BOC: variants seen among roughly 807,000 people sequenced by gnomAD.
BOC encodes brother of CDO.
A neutral mutation model predicts 112.0 loss-of-function variants in BOC; 76 were observed. That is an observed-to-expected ratio of 0.68 (90% CI 0.56 to 0.82). The LOEUF (loss-of-function observed/expected upper bound fraction) is 0.82. BOC is among the 40% of genes least tolerant of loss of function. The probability of loss-of-function intolerance (pLI) is 0.00; values close to 1 mark genes in which losing one functional copy is unlikely to be tolerated. For missense variants in BOC, 1,309 were observed against 1,511.7 expected (o/e 0.87, Z 2.22); for synonymous variants, 580 against 599.8 (o/e 0.97, Z 0.48).
intron 2 of BOC, among the ~76,000 whole-genome samples, chr3:113,242,887 T>C (rs1034375024): frequency 6.6e-6 from 1 of 152,120 alleles, no homozygotes; most frequent in Non-Finnish European, 1.5e-5. Flanking sequence ...TGGAGCACTG[T>C]AAGATAACAG....
In BOC at chr3:113,278,639, C is replaced by T; in HGVS notation, c.1706-34C>T. 1 of 1,518,358 alleles carries T rather than the reference C, an allele frequency of 6.6e-7. No individual in the cohort carries two copies. The highest frequency in any genetic ancestry group is 9.0e-7 in the Non-Finnish European group (1 of 1,116,854). The allele number at this position is 1,518,358 out of a possible 1,614,324, so 94.1% of individuals were successfully genotyped here. ...TGGGAGGGAGATCTCATGCCTGCTT[C>T]CTCCCTTGCTGACTACAACCCATTT... On this transcript the variant is annotated intron_variant, in intron 10 of 19. Coordinates refer to ENST00000682979, the MANE Select transcript of BOC (RefSeq NM_001378074.1). This position sits in a 1 kb window ranked among gnomAD's most constrained non-coding sequence, Gnocchi z 4.2.
Position 113,273,276 on chromosome 3 carries a change from A to G in BOC, c.1169A>G (p.Gln390Arg). The G allele has an allele frequency of 6.2e-7, 1 of 1,609,288 alleles. No individual in the cohort carries two copies. The highest frequency in any genetic ancestry group is 8.5e-7 in the Non-Finnish European group (1 of 1,176,798). The change falls in exon 8 of 20, where the codon CAG becomes CGG. Residue 390 changes from glutamine to arginine, a missense_variant. Transcript: ENST00000682979. ...GGGCCTGAGGACGAAGGCGTCTACC[A>G]GTGCATGGCCGAGAACGAGGTTGGG... ...SMGPEDEGVY[Q>R]CMAENEVGSA...
Position 113,284,387 on chromosome 3 carries a change from G to A in BOC, c.2709G>A (p.Pro903=), listed in dbSNP as rs59291757. The A allele has an allele frequency of 1.1e-3, 1,803 of 1,614,160 alleles. 14 individuals carry two copies. In the African/African-American group the frequency reaches 0.02, roughly 18 times the overall value. ...FPRSALPPSC[P]YTMVPLGGLP... ...GAAGTGCCCTTCCACCCTCCTGCCC[G>A]TATACTATGGTGCCATTGGGAGGAC... The change falls in exon 17 of 20, where the codon CCG becomes CCA. Residue 903 remains proline (P), a synonymous_variant. Coordinates refer to ENST00000682979, the MANE Select transcript of BOC (RefSeq NM_001378074.1).
intron 17 of BOC, 83 bp from the exon 18 acceptor site, chr3:113,284,699 A>G (rs900865894): frequency 3.3e-6 from 5 of 1,520,978 alleles, no homozygotes; most frequent in Non-Finnish European, 4.6e-6. Flanking sequence ...AGTCAGGAGC[A>G]GATGCTCCTG....
intron 4 of BOC, among the ~76,000 whole-genome samples, chr3:113,266,545 A>G (rs578012490): frequency 2.2e-4 from 34 of 152,226 alleles, no homozygotes; most frequent in Non-Finnish European, 3.8e-4. Context: ...ACCAACTTCA[A>G]CTATGAATTT....
At chr3:113,271,426 G>C in intron 6 of BOC, 1 of 341,314 alleles carries the variant, frequency 2.9e-6, no homozygotes, top group Non-Finnish European at 5.8e-6. Context: ...AGGCCCACAT[G>C]CTCTCAATGC....
chr3:113,268,612 T>G (rs975515319), intron 5 of BOC, among the ~76,000 whole-genome samples, 167 bp downstream of exon 5: 6 of 152,170 alleles, frequency 3.9e-5, no homozygotes, highest in Non-Finnish European at 7.3e-5. Context: ...TCCTCCCCTT[T>G]TTTTCCTTTT....
intron 2 of BOC, among the ~76,000 whole-genome samples, chr3:113,235,858 G>T (rs1389824645): frequency 6.6e-6 from 1 of 152,136 alleles, no homozygotes; most frequent in Non-Finnish European, 1.5e-5. Flanking sequence ...GCTTAATTTT[G>T]TATAGGAAAG....
chr3:113,274,717 C>A lies in BOC; in HGVS notation c.1542+35C>A. On this transcript the variant is annotated intron_variant, in intron 9 of 19. Coordinates refer to ENST00000682979, the MANE Select transcript of BOC (RefSeq NM_001378074.1). This position sits in a 1 kb window ranked among gnomAD's most constrained non-coding sequence, Gnocchi z 4.8. ...TGGTGTGGGGCTGCTGCCTCCCCTG[C>A]ACAGCCTTTCCAGCAAGGCTGAGCA... is the stretch of plus-strand genomic sequence containing the variant. 6.5e-7 allele frequency: 1 copy of A among 1,543,586 alleles called. No individual in the cohort carries two copies. Among genetic ancestry groups the A allele is most frequent in the Non-Finnish European group, 8.8e-7 (1 of 1,137,652 alleles).
chr3:113,279,135 C>T (rs763402224), intron 11 of BOC, 114 bp from the exon 12 acceptor site: 31 of 1,067,034 alleles, frequency 2.9e-5, no homozygotes, highest in Non-Finnish European at 3.8e-5. Context: ...TGGGGAGGAG[C>T]GGGCCCGTCA....
intron 15 of BOC, 41 bp downstream of exon 15, chr3:113,281,194 AGC>A: frequency 6.2e-7 from 1 of 1,607,666 alleles, no homozygotes; most frequent in Non-Finnish European, 8.5e-7. Flanking sequence ...TGGTGTTTCC[AGC>A]GAGGGAAGGC....
intron 6 of BOC, 110 bp downstream of exon 6, chr3:113,271,054 G>A: frequency 6.6e-7 from 1 of 1,507,762 alleles, no homozygotes; most frequent in Non-Finnish European, 9.1e-7. Context: ...CTCCAGTTCT[G>A]TGTGCACTGG....
intron 4 of BOC, among the ~76,000 whole-genome samples, chr3:113,252,628 C>A (rs1576419547): frequency 6.6e-6 from 1 of 152,164 alleles, no homozygotes; most frequent in Admixed American, 6.6e-5. Flanking sequence ...TGGAGGCTGC[C>A]AGGATTCCTC....
At chr3:113,252,472 A>G (rs1479239659) in intron 4 of BOC, among the ~76,000 whole-genome samples, 1 of 152,108 alleles carries the variant, frequency 6.6e-6, no homozygotes, top group African/African-American at 2.4e-5. Context: ...TATCCAAGAA[A>G]GCTGGGGTCC....
intron 14 of BOC, 69 bp from the exon 15 acceptor site, chr3:113,280,962 A>T: frequency 1.3e-6 from 2 of 1,587,454 alleles, no homozygotes; most frequent in Non-Finnish European, 1.7e-6. Flanking sequence ...GCTGAGTCTG[A>T]CTATGAGATT....
chr3:113,278,528 C>T lies in BOC; in HGVS notation c.1706-145C>T, dbSNP rs1576494548. ...ACAACAGAACCAGTCTCGGCCGAGG[C>T]TGAGCCCACACCCTCAGTGCCCCGG... On this transcript the variant is annotated intron_variant, in intron 10 of 19. Coordinates refer to ENST00000682979, the MANE Select transcript of BOC (RefSeq NM_001378074.1). The surrounding 1 kb of genome is among the most constrained non-coding windows in gnomAD (Gnocchi z 4.2). 5.0e-6 allele frequency: 4 copies of T among 798,276 alleles called. No homozygotes were observed. In the East Asian group the frequency reaches 1.1e-4, roughly 21 times the overall value. 49.4% of individuals were successfully genotyped at this position (798,276 alleles called of 1,614,324 possible). A position where few individuals can be genotyped will look rare whatever the true frequency, so the allele number is the denominator to read the frequency against.
At chr3:113,257,010 A>G (rs1009881635) in intron 4 of BOC, among the ~76,000 whole-genome samples, 3 of 152,160 alleles carry the variant, frequency 2.0e-5, no homozygotes, top group African/African-American at 7.2e-5. Flanking sequence ...AGGGAGGGTA[A>G]TTATTTTCTC....
At chr3:113,236,262 G>GGGTATATA (rs1943445996) in intron 2 of BOC, among the ~76,000 whole-genome samples, 3 of 26,648 alleles carry the variant, frequency 1.1e-4, no homozygotes, top group African/African-American at 4.2e-4. Flanking sequence ...GTGTGTGTGT[G>GGGTATATA]TGTGTATATA....
At chr3:113,281,834 T>C (rs1949229743) in intron 15 of BOC, among the ~76,000 whole-genome samples, 1 of 152,258 alleles carries the variant, frequency 6.6e-6, no homozygotes, top group African/African-American at 2.4e-5. Context: ...TTCTCTCTCC[T>C]GCTTCACTGG....
Sources: gnomAD v4.1 joint callset for allele counts (sites outside exome capture counted in the v4.1 genomes callset) on GRCh38, gnomAD v4.1.1 for gene constraint, Gnocchi (gnomAD v3.1) non-coding constraint, MANE v1.5 for transcripts, NCBI Gene and HGNC (gene_info 2026-07-23, HGNC 2026-07-21) for gene names.